GRIK4: variants seen among roughly 807,000 people sequenced by gnomAD.
The protein encoded by GRIK4 is glutamate receptor ionotropic, kainate 4.
GRIK4 carries 40 observed loss-of-function variants against 104.9 expected under a neutral mutation model. The ratio of observed to expected loss-of-function variants is 0.38; its 90% CI spans 0.30 to 0.50. GRIK4 has a LOEUF of 0.50. GRIK4 is among the 20% of genes least tolerant of loss of function. The probability of loss-of-function intolerance (pLI) is 0.93; values close to 1 mark genes in which losing one functional copy is unlikely to be tolerated. For synonymous variants in GRIK4, 485 were observed against 524.9 expected (o/e 0.92, Z 1.04); for missense variants, 1,047 against 1,308.1 (o/e 0.80, Z 3.08).
rs1254945381 is a variant in GRIK4, at chr11:120,549,848, C to A, written c.-159+37961C>A. On this transcript the variant is annotated intron_variant, in intron 1 of 20. Transcript: ENST00000527524. This position sits in a 1 kb window ranked among gnomAD's most constrained non-coding sequence, Gnocchi z 4.7. ...GCCAGTCTATGCAGCCCCTTTGTGGCCCTTAGAAAAAGGCTATGCTGGATG... is the reference window on the plus strand; with the variant it reads ...GCCAGTCTATGCAGCCCCTTTGTGGACCTTAGAAAAAGGCTATGCTGGATG... Among the ~76,000 whole-genome samples, 1 of 152,168 alleles carries A rather than the reference C, an allele frequency of 6.6e-6. No homozygotes were observed. The highest frequency in any genetic ancestry group is 2.4e-5 in the African/African-American group (1 of 41,434).
At chr11:120,512,488 C>A (rs1014822510) in intron 1 of GRIK4, among the ~76,000 whole-genome samples, 1 of 152,106 alleles carries the variant, frequency 6.6e-6, no homozygotes, top group African/African-American at 2.4e-5. Context: ...CCCCCCCACC[C>A]TGCACACCGC....
chr11:120,531,235 TCATC>T (rs147969274), intron 1 of GRIK4, among the ~76,000 whole-genome samples: 133 of 152,372 alleles, frequency 8.7e-4, no homozygotes, highest in African/African-American at 3.1e-3. Flanking sequence ...CTTTCATAAT[TCATC>T]CATCAAGGCC....
At chr11:120,971,019 C>A (rs1009128505) in intron 19 of GRIK4, among the ~76,000 whole-genome samples, 1 of 152,072 alleles carries the variant, frequency 6.6e-6, no homozygotes, top group African/African-American at 2.4e-5. Context: ...AGGGCTGTTG[C>A]GAAGGTTGAG....
In GRIK4 at chr11:120,620,402, T is replaced by C. The variant is rs571929156; in HGVS notation, c.-158-33283T>C. ...TAGTCCCCATGTACTGCCCCGTAGC[T>C]ACCATAACCCAGTCCCCATGTATGG... On this transcript the variant is annotated intron_variant, in intron 1 of 20. Coordinates refer to ENST00000527524, the MANE Select transcript of GRIK4 (RefSeq NM_014619.5). 4.5e-4 allele frequency: 238 copies of C among 534,566 alleles called. 2 individuals carry two copies. The highest frequency in any genetic ancestry group is 2.0e-3 in the Middle Eastern group (4 of 1,962). The allele number at this position is 534,566 out of a possible 1,614,324, so 33.1% of individuals were successfully genotyped here.
At chr11:120,972,022 T>C (rs972615844) in intron 19 of GRIK4, among the ~76,000 whole-genome samples, 1 of 152,218 alleles carries the variant, frequency 6.6e-6, no homozygotes, top group Non-Finnish European at 1.5e-5. Context: ...GTTCAGAATT[T>C]CCTGGAAGTC....
chr11:120,715,713 T>C (rs1252215775), intron 3 of GRIK4, among the ~76,000 whole-genome samples: 1 of 152,192 alleles, frequency 6.6e-6, no homozygotes, highest in East Asian at 1.9e-4. Flanking sequence ...ACGTCCCGTG[T>C]TTGCAGCTTC....
chr11:120,714,543 G>T (rs1429176035), intron 3 of GRIK4, among the ~76,000 whole-genome samples: 2 of 152,198 alleles, frequency 1.3e-5, no homozygotes, highest in Admixed American at 1.3e-4. Context: ...GGACACAGAA[G>T]ATTAAGCACT....
intron 6 of GRIK4, among the ~76,000 whole-genome samples, chr11:120,820,668 G>T (rs567566212): frequency 6.6e-6 from 1 of 152,180 alleles, no homozygotes; most frequent in East Asian, 1.9e-4. Context: ...TGTGTCCTGC[G>T]CAGCTCACCT....
intron 11 of GRIK4, among the ~76,000 whole-genome samples, chr11:120,877,735 G>A (rs1382289342): frequency 1.3e-5 from 2 of 152,136 alleles, no homozygotes; most frequent in Non-Finnish European, 2.9e-5. Context: ...AAAGAAAACG[G>A]GGAAAGGAGA....
At chr11:120,826,295 T>C (rs537434857) in intron 6 of GRIK4, among the ~76,000 whole-genome samples, 1 of 152,214 alleles carries the variant, frequency 6.6e-6, no homozygotes, top group South Asian at 2.1e-4. Context: ...TCCTACAGTA[T>C]GGGACGACCG....
chr11:120,561,822 T>G (rs1948242302), intron 1 of GRIK4, among the ~76,000 whole-genome samples: 1 of 152,184 alleles, frequency 6.6e-6, no homozygotes, highest in South Asian at 2.1e-4. Context: ...TCCTGCCTTC[T>G]CCTCCAGTCA....
chr11:120,572,440 C>G (rs1948413377), intron 1 of GRIK4, among the ~76,000 whole-genome samples: 1 of 152,104 alleles, frequency 6.6e-6, no homozygotes, highest in Non-Finnish European at 1.5e-5. Flanking sequence ...CACCTGAAGT[C>G]CCTTACAACT....
At chr11:120,666,671 C>T (rs549012502) in intron 3 of GRIK4, among the ~76,000 whole-genome samples, 2 of 152,272 alleles carry the variant, frequency 1.3e-5, no homozygotes, top group Admixed American at 1.3e-4. Context: ...ATGTGGCTGC[C>T]TGTGTTCATT....
rs146616837 is a variant in GRIK4 at position 120,798,824 on chromosome 11, A to G, written c.83-3869A>G. On this transcript the variant is annotated intron_variant, in intron 3 of 20. Coordinates refer to ENST00000527524, the MANE Select transcript of GRIK4 (RefSeq NM_014619.5). ...CCTATCAGATCAAGGTCCCATCCTA[A>G]TGACCTTATTTAACCTTAGTTTTGT... Among the ~76,000 whole-genome samples the G allele has an allele frequency of 1.2e-3, 178 of 152,258 alleles. 1 individual carries two copies. Among genetic ancestry groups the G allele is most frequent in the African/African-American group, 4.1e-3 (170 of 41,540 alleles).
intron 3 of GRIK4, among the ~76,000 whole-genome samples, chr11:120,698,918 G>A (rs1304798221): frequency 2.0e-5 from 3 of 152,190 alleles, no homozygotes; most frequent in Non-Finnish European, 4.4e-5. Context: ...GGATTTCGTT[G>A]GTCCCCTGTG....
intron 11 of GRIK4, chr11:120,894,748 G>A (rs1282637274): frequency 6.6e-6 from 1 of 152,322 alleles, no homozygotes; most frequent in Non-Finnish European, 1.5e-5. Context: ...AAAGGGATTT[G>A]GCCGGAGGCA....
chr11:120,894,706 G>C (rs1942524555), intron 11 of GRIK4: 1 of 152,410 alleles, frequency 6.6e-6, no homozygotes, highest in Non-Finnish European at 1.5e-5. Context: ...TCCTACAGGA[G>C]GTTTGGGGGG....
At chr11:120,866,918 T>C (rs143503727) in intron 9 of GRIK4, among the ~76,000 whole-genome samples, 30 of 152,346 alleles carry the variant, frequency 2.0e-4, no homozygotes, top group African/African-American at 5.5e-4. Flanking sequence ...GAAATTATCC[T>C]GCCTTCTCCT....
At chr11:120,815,814 G>A (rs1043224795) in intron 5 of GRIK4, among the ~76,000 whole-genome samples, 3 of 152,172 alleles carry the variant, frequency 2.0e-5, no homozygotes, top group African/African-American at 4.8e-5. Flanking sequence ...GCGGGCAGAC[G>A]TCTGAGCGTC....
Sources: gnomAD v4.1 joint callset for allele counts (sites outside exome capture counted in the v4.1 genomes callset) on GRCh38, gnomAD v4.1.1 for gene constraint, Gnocchi (gnomAD v3.1) non-coding constraint, MANE v1.5 for transcripts, NCBI Gene and HGNC (gene_info 2026-07-23, HGNC 2026-07-21) for gene names.